The following RAB26 variants were observed in gnomAD, a reference collection of about 807,000 sequenced individuals.
RAB26 encodes RAB26, member RAS oncogene family, also known as ras-related protein Rab-26.
A neutral mutation model predicts 33.1 loss-of-function variants in RAB26; 39 were observed. The observed-to-expected ratio is 1.18, with a 90% CI of 0.91 to 1.54. The LOEUF (loss-of-function observed/expected upper bound fraction) is 1.54. Ranked by LOEUF, RAB26 falls within the 40% of genes most tolerant of loss-of-function variation. The probability of loss-of-function intolerance (pLI) is 0.00; values close to 1 mark genes in which losing one functional copy is unlikely to be tolerated. For synonymous variants in RAB26, 192 were observed against 151.9 expected, an observed-to-expected ratio of 1.26 and a Z score of -1.94; for missense variants, 468 against 362.9, an observed-to-expected ratio of 1.29 and a Z score of -2.35.
intron 1 of RAB26, among the ~76,000 whole-genome samples, chr16:2,149,446 G>A (rs895794634): frequency 7.2e-5 from 11 of 151,918 alleles, no homozygotes; most frequent in African/African-American, 4.8e-5. Context: ...CACAGGTTTC[G>A]GGGAGAAGGC....
Position 2,153,473 on chromosome 16 carries a change from G to A in RAB26, c.*52G>A. The A allele has an allele frequency of 6.5e-7, 1 of 1,543,600 alleles. No individual in the cohort carries two copies. The highest frequency in any genetic ancestry group is 1.4e-5 in the African/African-American group (1 of 73,320). On this transcript the variant is annotated 3_prime_UTR_variant, in exon 9 of 9. Transcript: ENST00000210187. ...GAAGCCGTCCAGTCCCTAGAAGGCTGGACAGAGGGTCTCCAGGCCCTTCTG... is the reference window on the plus strand; with the variant it reads ...GAAGCCGTCCAGTCCCTAGAAGGCTAGACAGAGGGTCTCCAGGCCCTTCTG...
chr16:2,153,698 T>C lies in RAB26; in HGVS notation c.*277T>C, dbSNP rs1421683426. On this transcript the variant is annotated 3_prime_UTR_variant, in exon 9 of 9. Coordinates refer to ENST00000210187, the MANE Select transcript of RAB26 (RefSeq NM_014353.5). ...GACAGACTTTGCCACGGTGCTCTGC[T>C]GCCCCCTCCTGGGCACGTCCAGGTG... is the stretch of plus-strand genomic sequence containing the variant. The C allele has an allele frequency of 1.6e-6, 1 of 607,614 alleles. No homozygotes were observed. The highest frequency in any genetic ancestry group is 2.1e-5 in the Admixed American group (1 of 46,834). The allele number at this position is 607,614 out of a possible 1,614,324, so 37.6% of individuals were successfully genotyped here.
intron 2 of RAB26, 83 bp downstream of exon 2, chr16:2,150,134 A>C (rs937397855): frequency 7.8e-7 from 1 of 1,282,888 alleles, no homozygotes; most frequent in African/African-American, 1.5e-5. Flanking sequence ...CCATGGTACC[A>C]ACAGGCTCGA....
intron 2 of RAB26, among the ~76,000 whole-genome samples, chr16:2,150,299 G>A (rs1208319200): frequency 6.6e-6 from 1 of 152,214 alleles, no homozygotes; most frequent in African/African-American, 2.4e-5. Context: ...TGCCTACAGG[G>A]TGGTGGGTCA....
chr16:2,150,784 G>C (rs2093002445), intron 2 of RAB26, among the ~76,000 whole-genome samples: 1 of 152,212 alleles, frequency 6.6e-6, no homozygotes, highest in Non-Finnish European at 1.5e-5. Context: ...TCTCGTTCAG[G>C]GTGCCAGGGA....
At position 2,151,718 on chromosome 16, in the gene RAB26, G is replaced by A; in HGVS notation, c.372G>A (p.Glu124=). Residue 124 remains glutamate, a synonymous_variant, in exon 4 of 9, where the codon GAG becomes GAA. Coordinates refer to ENST00000210187, the MANE Select transcript of RAB26 (RefSeq NM_014353.5). ...KLQMWDTAGQ[E]RFRSVTHAYY... is the part of the protein sequence containing the mutation. ...AGATGTGGGACACAGCTGGTCAGGA[G>A]CGGTTCCGCAGTGTTACCCATGCCT... 6.2e-7 allele frequency: 1 copy of A among 1,614,014 alleles called. No individual in the cohort carries two copies. Among genetic ancestry groups the A allele is most frequent in the Non-Finnish European group, 8.5e-7 (1 of 1,180,030 alleles).
chr16:2,151,342 T>A, intron 2 of RAB26: 1 of 628,386 alleles, frequency 1.6e-6, no homozygotes. Context: ...GGTCATGAGT[T>A]CAAATAAGTC....
rs2141252130 is a variant in RAB26, at chr16:2,151,611, G to A, written c.348+1G>A. 9 of 1,614,048 alleles carry A rather than the reference G, an allele frequency of 5.6e-6. No homozygotes were observed. The highest frequency in any genetic ancestry group is 2.2e-5 in the East Asian group (1 of 44,890). ...GGATGGTGTGAAGGTGAAGCTGCAG[G>A]TAAGGTGACTGGCAGAGGACAAGTT... On this transcript the variant is annotated splice_donor_variant, in intron 3 of 8. Coordinates refer to ENST00000210187, the MANE Select transcript of RAB26 (RefSeq NM_014353.5). LOFTEE classifies it high-confidence loss of function.
intron 3 of RAB26, 39 bp from the exon 4 acceptor site, chr16:2,151,656 G>A (rs2093005366): frequency 6.2e-7 from 1 of 1,614,068 alleles, no homozygotes; most frequent in Non-Finnish European, 8.5e-7. Flanking sequence ...GGGACACCAG[G>A]GAAGGGCTGG....
In RAB26 at chr16:2,151,840, T is replaced by C; in HGVS notation, c.416-16T>C. 1.2e-6 allele frequency: 2 copies of C among 1,614,088 alleles called. No homozygotes were observed. The highest frequency in any genetic ancestry group is 8.5e-7 in the Non-Finnish European group (1 of 1,180,022). ...TGCAGGTGATGGTGGATGTCCTCAC[T>C]GCCCTCTGTCCCCAGCTCTGCTGCT... On this transcript the variant is annotated splice_polypyrimidine_tract_variant and intron_variant, in intron 4 of 8. Transcript: ENST00000210187.
Position 2,154,127 on chromosome 16 carries a change from TTG to T in RAB26, c.*710_*711del, listed in dbSNP as rs1330206024. The T allele has an allele frequency of 6.8e-6, 2 of 294,940 alleles. No homozygotes were observed. The highest frequency in any genetic ancestry group is 1.3e-5 in the Non-Finnish European group (2 of 148,442). 18.3% of individuals were successfully genotyped at this position (294,940 alleles called of 1,614,324 possible). On this transcript the variant is annotated 3_prime_UTR_variant, in exon 9 of 9. Coordinates refer to ENST00000210187, the MANE Select transcript of RAB26 (RefSeq NM_014353.5). ...TTGTTTTCAGTCCTAGTGAATAAAG[TTG>T]TGTTTTCTGGAGCGTCTGTCTCATC...
chr16:2,151,423 A>G, intron 2 of RAB26, 146 bp from the exon 3 acceptor site: 1 of 1,023,106 alleles, frequency 9.8e-7, no homozygotes, highest in Non-Finnish European at 1.5e-6. Context: ...GGTGTGGGTG[A>G]GGTCAAATTG....
At position 2,150,799 on chromosome 16, in the gene RAB26, G is replaced by A. The variant is rs181048132; in HGVS notation, c.306+748G>A. Among the ~76,000 whole-genome samples, 15 of 152,312 alleles carry A rather than the reference G, an allele frequency of 9.8e-5. No individual in the cohort carries two copies. In the East Asian group the frequency reaches 1.3e-3, roughly 14 times the overall value. On this transcript the variant is annotated intron_variant, in intron 2 of 8. Transcript: ENST00000210187. ...TCTCGTTCAGGGTGCCAGGGAAGGC[G>A]GTGTCCTCCCCAGCCCAGCAGATGG... is the stretch of plus-strand genomic sequence containing the variant.
intron 5 of RAB26, 30 bp downstream of exon 5, chr16:2,151,938 G>T (rs896512709): frequency 3.1e-6 from 5 of 1,613,506 alleles, no homozygotes; most frequent in Non-Finnish European, 4.2e-6. Context: ...GGGTGAAAGG[G>T]CCCTGATAGG....
At chr16:2,149,416 G>T (rs2092997322) in intron 1 of RAB26, among the ~76,000 whole-genome samples, 1 of 151,778 alleles carries the variant, frequency 6.6e-6, no homozygotes, top group African/African-American at 2.4e-5. Context: ...GGGCTGGGAG[G>T]ACCATTTTGG....
At chr16:2,151,341 T>G in intron 2 of RAB26, 1 of 626,702 alleles carries the variant, frequency 1.6e-6, no homozygotes, top group Non-Finnish European at 2.9e-6. Context: ...GGGTCATGAG[T>G]TCAAATAAGT....
At position 2,153,513 on chromosome 16, in the gene RAB26, T is replaced by C. The variant is rs2093014273; in HGVS notation, c.*92T>C. 1 of 1,198,196 alleles carries C rather than the reference T, an allele frequency of 8.3e-7. No individual in the cohort carries two copies. Among genetic ancestry groups the C allele is most frequent in the Non-Finnish European group, 1.2e-6 (1 of 834,964 alleles). The allele number at this position is 1,198,196 out of a possible 1,614,324, so 74.2% of individuals were successfully genotyped here. On this transcript the variant is annotated 3_prime_UTR_variant, in exon 9 of 9. Transcript: ENST00000210187. ...AGGCCCTTCTGACTTTGTTGCCCAGTGGCCAACGCCCGAGTGTCTGTTTTC... is the reference window on the plus strand; with the variant it reads ...AGGCCCTTCTGACTTTGTTGCCCAGCGGCCAACGCCCGAGTGTCTGTTTTC...
chr16:2,149,982 G>A lies in RAB26; in HGVS notation c.237G>A (p.Leu79=). The A allele has an allele frequency of 1.9e-6, 3 of 1,543,632 alleles. No homozygotes were observed. Among genetic ancestry groups the A allele is most frequent in the African/African-American group, 2.8e-5 (2 of 72,688 alleles). ...VGDSGVGKTC[L]LVRFKDGAFL... is the part of the protein sequence containing the mutation. The stretch of plus-strand genomic sequence containing the variant: ...ACTCGGGTGTGGGGAAGACCTGTCT[G>A]CTGGTGCGATTCAAGGATGGTGCTT... The change falls in exon 2 of 9, where the codon CTG becomes CTA. Residue 79 remains leucine (L), a synonymous_variant. Transcript: ENST00000210187.
In RAB26 at chr16:2,149,880, C is replaced by T. The variant is rs1004086942; in HGVS notation, c.196-61C>T. 7 of 1,326,736 alleles carry T rather than the reference C, an allele frequency of 5.3e-6. No individual in the cohort carries two copies. In the Admixed American group the frequency reaches 2.1e-4, roughly 40 times the overall value. The allele number at this position is 1,326,736 out of a possible 1,614,324, so 82.2% of individuals were successfully genotyped here. On this transcript the variant is annotated intron_variant, in intron 1 of 8. Coordinates refer to ENST00000210187, the MANE Select transcript of RAB26 (RefSeq NM_014353.5). Reference sequence around the variant, plus strand: ...CACTCCTGCTCCTCACCTGCAGCCCCCTTCTGACCAGGCCAGCTCAGGGCA... The same window carrying T: ...CACTCCTGCTCCTCACCTGCAGCCCTCTTCTGACCAGGCCAGCTCAGGGCA...
Sources: allele counts gnomAD v4.1 joint callset (sites outside exome capture counted in the v4.1 genomes callset), GRCh38; gene constraint gnomAD v4.1.1; transcripts MANE v1.5; gene names NCBI Gene and HGNC (gene_info 2026-07-23, HGNC 2026-07-21).